The following ACTR3C variants were observed in gnomAD, a reference collection of about 807,000 sequenced individuals.
The protein encoded by ACTR3C is actin related protein 3C, also known as actin-related protein 3C.
Under a neutral mutation model 26.3 loss-of-function variants are expected in ACTR3C, and 18 were observed. That is an observed-to-expected ratio of 0.68 (90% confidence interval 0.47 to 1.01). The LOEUF (loss-of-function observed/expected upper bound fraction) is 1.01, where lower values mean the gene tolerates loss of function less well. Ranked by LOEUF, ACTR3C falls within the 50% of genes least tolerant of loss-of-function variation. The pLI, the probability that ACTR3C is intolerant of heterozygous loss-of-function variation, is 0.00. For synonymous variants in ACTR3C, 55 were observed against 94.5 expected, an observed-to-expected ratio of 0.58 and a Z score of 2.42; for missense variants, 184 against 250.7, an observed-to-expected ratio of 0.73 and a Z score of 1.80.
At chr7:149,996,067 G>A in the ACTR3C span, among the ~76,000 whole-genome samples, 8 of 152,202 alleles carry the variant, frequency 5.3e-5, no homozygotes, top group East Asian at 1.9e-4. Flanking sequence ...AACTGCTGGC[G>A]TGGGGAGGGA....
At chr7:150,019,435 T>C in the ACTR3C span, among the ~76,000 whole-genome samples, 1 of 148,614 alleles carries the variant, frequency 6.7e-6, no homozygotes, top group Non-Finnish European at 1.5e-5. Flanking sequence ...CTACTAAAAA[T>C]ACAAAAATTA....
chr7:150,034,728 C>T, the ACTR3C span, among the ~76,000 whole-genome samples: 2 of 151,368 alleles, frequency 1.3e-5, no homozygotes, highest in Non-Finnish European at 3.0e-5. Context: ...CACAGTCCTC[C>T]AGGTGGGTCC....
chr7:150,145,030 A>C, the ACTR3C span, among the ~76,000 whole-genome samples: 1 of 148,178 alleles, frequency 6.7e-6, no homozygotes, highest in African/African-American at 2.5e-5. Context: ...AGCCTGGTGG[A>C]CAGTGCGAGA....
the ACTR3C span, among the ~76,000 whole-genome samples, chr7:150,013,074 CA>C: frequency 2.1e-5 from 3 of 140,958 alleles, no homozygotes; most frequent in African/African-American, 7.9e-5. Context: ...TTATTTTTAC[CA>C]TTTTCCTCCT....
chr7:150,035,552 G>A, the ACTR3C span, among the ~76,000 whole-genome samples: 9 of 125,840 alleles, frequency 7.2e-5, no homozygotes, highest in Admixed American at 1.5e-4. Context: ...CCTGCGATGG[G>A]GGTCCGCAGA....
chr7:150,112,142 G>A, the ACTR3C span, among the ~76,000 whole-genome samples: 1 of 150,636 alleles, frequency 6.6e-6, no homozygotes, highest in African/African-American at 2.4e-5. Context: ...CCATCGACCA[G>A]GAAGCACCGC....
the ACTR3C span, among the ~76,000 whole-genome samples, chr7:150,230,770 G>A: frequency 1.3e-5 from 2 of 152,154 alleles, no homozygotes; most frequent in Admixed American, 1.3e-4. Flanking sequence ...TTGTGGGCAT[G>A]CAGAGTTGTT....
the ACTR3C span, among the ~76,000 whole-genome samples, chr7:150,005,493 C>A: frequency 6.6e-6 from 1 of 151,906 alleles, no homozygotes; most frequent in Non-Finnish European, 1.5e-5. Flanking sequence ...GAACAAAATG[C>A]TGGGTAGTGA....
the ACTR3C span, among the ~76,000 whole-genome samples, chr7:150,077,163 C>CA: frequency 0.41 from 61,129 of 150,844 alleles, 12,991 homozygotes; most frequent in East Asian, 0.67. Flanking sequence ...GAAACTCTGT[C>CA]AAAAAAAAAT....
chr7:149,933,968 GA>G, the ACTR3C span, among the ~76,000 whole-genome samples: 1 of 150,420 alleles, frequency 6.6e-6, no homozygotes. Context: ...AGTTCCACTC[GA>G]CCCTAGCAAT....
the ACTR3C span, among the ~76,000 whole-genome samples, chr7:150,036,940 G>C: frequency 4.4e-4 from 36 of 82,256 alleles, no homozygotes; most frequent in South Asian, 1.1e-3. Context: ...GGTCCTAAGA[G>C]CCAGTGGGGG....
the ACTR3C span, among the ~76,000 whole-genome samples, chr7:150,060,456 C>T: frequency 7.2e-4 from 109 of 152,338 alleles, no homozygotes; most frequent in Non-Finnish European, 1.2e-3. Flanking sequence ...ACCTATGCCA[C>T]ACCAACAGCA....
At chr7:150,131,322 G>A in the ACTR3C span, among the ~76,000 whole-genome samples, 4,259 of 145,364 alleles carry the variant, frequency 0.029, no homozygotes, top group African/African-American at 0.11. Flanking sequence ...GTTTATCTCT[G>A]AAATATGATG....
the ACTR3C span, among the ~76,000 whole-genome samples, chr7:149,885,991 C>T: frequency 1.3e-5 from 2 of 152,238 alleles, no homozygotes; most frequent in African/African-American, 2.4e-5. Context: ...TCTTTCTGAG[C>T]TTCATTTTTA....
downstream of ACTR3C, among the ~76,000 whole-genome samples, chr7:150,240,816 C>T (rs911712672): frequency 1.7e-4 from 26 of 152,000 alleles, no homozygotes; most frequent in African/African-American, 3.4e-4. Flanking sequence ...GAAAACACTA[C>T]GGGGTTTACA....
At chr7:150,182,100 TCCCTCCTG>T in the ACTR3C span, among the ~76,000 whole-genome samples, 427 of 150,542 alleles carry the variant, frequency 2.8e-3, 15 homozygotes, top group Middle Eastern at 0.014. Flanking sequence ...TTACTAAGTG[TCCCTCCTG>T]CCCTCCTGAG....
chr7:150,125,347 A>G, the ACTR3C span, among the ~76,000 whole-genome samples: 359 of 144,810 alleles, frequency 2.5e-3, no homozygotes, highest in Middle Eastern at 0.011. Context: ...GAGACTTGCT[A>G]TGAAACTTGC....
intron 6 of ACTR3C, among the ~76,000 whole-genome samples, chr7:150,254,873 C>G (rs1040277090): frequency 3.9e-5 from 6 of 152,180 alleles, no homozygotes; most frequent in Admixed American, 1.3e-4. Context: ...AAACCAATTT[C>G]CAGAGGACAT....
chr7:150,031,263 AAAAAAAAAAAGT>A, the ACTR3C span, among the ~76,000 whole-genome samples: 291 of 89,164 alleles, frequency 3.3e-3, 3 homozygotes, highest in African/African-American at 0.011. Flanking sequence ...TCCCAAATTT[AAAAAAAAAAAGT>A]AAAAAAAAAA....
Sources: gnomAD v4.1 joint callset for allele counts (sites outside exome capture counted in the v4.1 genomes callset) on GRCh38, gnomAD v4.1.1 for gene constraint, MANE v1.5 for transcripts, NCBI Gene and HGNC (gene_info 2026-07-23, HGNC 2026-07-21) for gene names.